SLC30A7: variants seen among roughly 807,000 people sequenced by gnomAD.
SLC30A7 encodes the protein zinc transporter 7.
A neutral mutation model predicts 46.0 loss-of-function variants in SLC30A7; 35 were observed. The ratio of observed to expected loss-of-function variants is 0.76; its 90% CI spans 0.58 to 1.01. The LOEUF is 1.01. Ranked by LOEUF, SLC30A7 falls within the 50% of genes least tolerant of loss-of-function variation. The pLI is 0.00. For missense variants in SLC30A7, 464 were observed against 451.1 expected (o/e 1.03, Z -0.26); for synonymous variants, 147 against 157.8 (o/e 0.93, Z 0.51).
chr1:100,957,403 T>C (rs1655286448), intron 8 of SLC30A7, among the ~76,000 whole-genome samples: 1 of 152,256 alleles, frequency 6.6e-6, no homozygotes, highest in Admixed American at 6.5e-5. Flanking sequence ...ATAAAAACAA[T>C]TTATATTTTC....
At chr1:100,959,610 A>G (rs547539742) in intron 8 of SLC30A7, among the ~76,000 whole-genome samples, 1 of 152,340 alleles carries the variant, frequency 6.6e-6, no homozygotes, top group East Asian at 1.9e-4. Flanking sequence ...TTCTTGCCAC[A>G]TGTTCCTCAC....
At chr1:100,960,941 T>TTG (rs1231051235) in intron 8 of SLC30A7, among the ~76,000 whole-genome samples, 12 of 146,406 alleles carry the variant, frequency 8.2e-5, no homozygotes, top group African/African-American at 2.5e-4. Context: ...ATTAATTGTT[T>TTG]TGTGTGTTTT....
At chr1:100,971,411 C>T (rs1190344249) in intron 10 of SLC30A7, among the ~76,000 whole-genome samples, 1 of 151,894 alleles carries the variant, frequency 6.6e-6, no homozygotes, top group African/African-American at 2.4e-5. Context: ...CATTATCTTT[C>T]TTCATCATTT....
At chr1:100,949,563 G>A (rs578053815) in intron 8 of SLC30A7, among the ~76,000 whole-genome samples, 6 of 152,322 alleles carry the variant, frequency 3.9e-5, no homozygotes, top group South Asian at 2.1e-4. Context: ...AGACAGGGAC[G>A]TTTAAGTCTG....
chr1:100,979,760 G>A lies in SLC30A7; in HGVS notation c.*4903G>A, dbSNP rs1437506690. Reference sequence around the variant, plus strand: ...ATTTTTATCCTTATTTTACAGATGAGGAAGCTGTTTGGAGATAATTTAAGT... The same window carrying A: ...ATTTTTATCCTTATTTTACAGATGAAGAAGCTGTTTGGAGATAATTTAAGT... On this transcript the variant is annotated 3_prime_UTR_variant, in exon 11 of 11. Transcript: ENST00000357650. The A allele has an allele frequency of 2.0e-5, 3 of 152,098 alleles. No homozygotes were observed. Among genetic ancestry groups the A allele is most frequent in the African/African-American group, 7.2e-5 (3 of 41,420 alleles). 9.4% of individuals were successfully genotyped at this position (152,098 alleles called of 1,614,324 possible).
At chr1:100,992,695 T>C in the SLC30A7 span, 1 of 1,613,990 alleles carries the variant, frequency 6.2e-7, no homozygotes, top group South Asian at 1.1e-5. Flanking sequence ...GCTGGGCTGC[T>C]TGGTTTACAC....
At chr1:100,915,806 T>A (rs1220922471) in intron 6 of SLC30A7, among the ~76,000 whole-genome samples, 2 of 152,212 alleles carry the variant, frequency 1.3e-5, no homozygotes, top group Non-Finnish European at 2.9e-5. Context: ...AGTTTGCTGA[T>A]CATACGGTAG....
intron 3 of SLC30A7, among the ~76,000 whole-genome samples, chr1:100,910,837 T>G (rs1261382129): frequency 6.6e-6 from 1 of 152,150 alleles, no homozygotes; most frequent in Non-Finnish European, 1.5e-5. Flanking sequence ...TGGATTGGCT[T>G]GTAAAAATCT....
At chr1:100,992,033 G>T in the SLC30A7 span, among the ~76,000 whole-genome samples, 1 of 151,892 alleles carries the variant, frequency 6.6e-6, no homozygotes, top group African/African-American at 2.4e-5. Context: ...AGGAGGTGGA[G>T]GCTGCAATGA....
rs556985248 is a variant in SLC30A7 at position 100,913,154 on chromosome 1, T to G, written c.512-509T>G. 7.2e-5 allele frequency among the ~76,000 whole-genome samples: 11 copies of G among 152,348 alleles called. No homozygotes were observed. The South Asian group carries it at 2.3e-3, about 32-fold the overall frequency. ...TTTGCATTTAGCTTTTTCTACCTGC[T>G]TTAATGTAATTTTACTGATTCTGTT... is the stretch of plus-strand genomic sequence containing the variant. On this transcript the variant is annotated intron_variant, in intron 5 of 10. Coordinates refer to ENST00000357650, the MANE Select transcript of SLC30A7 (RefSeq NM_133496.5).
At chr1:100,970,693 A>T (rs1451128799) in intron 10 of SLC30A7, among the ~76,000 whole-genome samples, 2 of 151,454 alleles carry the variant, frequency 1.3e-5, no homozygotes, top group Non-Finnish European at 2.9e-5. Context: ...AGCAAAAAAA[A>T]AAAAATGGGA....
chr1:100,914,857 A>C (rs1027536931), intron 6 of SLC30A7, among the ~76,000 whole-genome samples: 1 of 152,116 alleles, frequency 6.6e-6, no homozygotes, highest in Non-Finnish European at 1.5e-5. Flanking sequence ...GCTTGAACCC[A>C]GGAGGCGGAG....
intron 8 of SLC30A7, chr1:100,941,469 G>C: frequency 2.1e-6 from 1 of 467,760 alleles, no homozygotes; most frequent in Non-Finnish European, 4.1e-6. Flanking sequence ...TTCACAGTAT[G>C]GTATTTCAGA....
intron 9 of SLC30A7, among the ~76,000 whole-genome samples, chr1:100,965,212 T>G (rs1655798295): frequency 6.6e-6 from 1 of 152,230 alleles, no homozygotes; most frequent in East Asian, 1.9e-4. Context: ...GCTCCCTCTT[T>G]CTTTGTAAAC....
intron 8 of SLC30A7, among the ~76,000 whole-genome samples, chr1:100,933,320 T>A (rs1212485729): frequency 2.0e-5 from 3 of 152,138 alleles, no homozygotes; most frequent in African/African-American, 7.2e-5. Flanking sequence ...TGGAAGATAC[T>A]CTCTATACTT....
the SLC30A7 span, chr1:100,995,792 A>C: frequency 6.6e-6 from 1 of 152,226 alleles, no homozygotes; most frequent in Non-Finnish European, 1.5e-5. Flanking sequence ...GCTCAACTGA[A>C]CTATTTGGTA....
chr1:100,951,210 C>T (rs994664581), intron 8 of SLC30A7, among the ~76,000 whole-genome samples: 10 of 151,984 alleles, frequency 6.6e-5, no homozygotes, highest in East Asian at 1.9e-4. Context: ...AAAAGGGGTG[C>T]GAAGCAGGGG....
intron 6 of SLC30A7, among the ~76,000 whole-genome samples, chr1:100,917,615 T>G (rs1652656335): frequency 6.6e-6 from 1 of 152,174 alleles, no homozygotes; most frequent in African/African-American, 2.4e-5. Flanking sequence ...AAAAATTATT[T>G]TTATCTCTTC....
At chr1:100,995,035 G>T in the SLC30A7 span, 3 of 1,044,802 alleles carry the variant, frequency 2.9e-6, no homozygotes, top group Non-Finnish European at 4.4e-6. Context: ...TTAGAACTCA[G>T]GTCATTTAAG....
Sources: allele counts gnomAD v4.1 joint callset (sites outside exome capture counted in the v4.1 genomes callset), GRCh38; gene constraint gnomAD v4.1.1; transcripts MANE v1.5; gene names NCBI Gene and HGNC (gene_info 2026-07-23, HGNC 2026-07-21).